The following RNF213 variants were observed in gnomAD, a reference collection of about 807,000 sequenced individuals.
RNF213 encodes E3 ubiquitin-protein ligase RNF213.
A neutral mutation model predicts 514.4 loss-of-function variants in RNF213; 341 were observed. The ratio of observed to expected loss-of-function variants is 0.66; its 90% CI spans 0.61 to 0.73. The LOEUF (loss-of-function observed/expected upper bound fraction) is 0.73. Ranked by LOEUF, RNF213 falls within the 30% of genes least tolerant of loss-of-function variation. RNF213 has a pLI of 0.00. For synonymous variants in RNF213, 2,655 were observed against 2,658.2 expected (o/e 1.00, Z 0.04); for missense variants, 5,767 against 6,615.6 (o/e 0.87, Z 4.45).
intron 8 of RNF213, 160 bp downstream of exon 8, chr17:80,291,987 T>C: frequency 5.3e-6 from 4 of 750,960 alleles, no homozygotes; most frequent in Non-Finnish European, 9.2e-6. Context: ...TCAGTGACAC[T>C]GACTCTGGGT....
chr17:80,377,094 C>T lies in RNF213; in HGVS notation c.13510+131C>T. ...AGGGTCCAAAACCACCTGCATTCTACCGGTGGCGTCTGCAGAAGACGAATG... is the reference window on the plus strand; with the variant it reads ...AGGGTCCAAAACCACCTGCATTCTATCGGTGGCGTCTGCAGAAGACGAATG... On this transcript the variant is annotated intron_variant, in intron 53 of 67. Coordinates refer to ENST00000582970, the MANE Select transcript of RNF213 (RefSeq NM_001256071.3). This position sits in a 1 kb window ranked among gnomAD's most constrained non-coding sequence, Gnocchi z 4.1. 1.4e-6 allele frequency: 1 copy of T among 708,834 alleles called. No homozygotes were observed. 43.9% of individuals were successfully genotyped at this position (708,834 alleles called of 1,614,324 possible).
intron 49 of RNF213, among the ~76,000 whole-genome samples, chr17:80,374,133 A>G (rs1196868916): frequency 6.6e-6 from 1 of 152,158 alleles, no homozygotes; most frequent in Non-Finnish European, 1.5e-5. Flanking sequence ...CTGTTTGACT[A>G]CCACCTGGGG....
At position 80,346,291 on chromosome 17, in the gene RNF213, C is replaced by G. The variant is rs201016173; in HGVS notation, c.7956C>G (p.His2652Gln). Reference protein sequence around the residue: ...ERCVKVFRWFHEHSAMLLAQL... With the variant: ...ERCVKVFRWFQEHSAMLLAQL... ...GTGTGAAAGTTTTCAGGTGGTTCCACGAGCACAGCGCGATGCTCTTAGCGC... is the reference window on the plus strand; with the variant it reads ...GTGTGAAAGTTTTCAGGTGGTTCCAGGAGCACAGCGCGATGCTCTTAGCGC... Residue 2652 changes from histidine (H) to glutamine (Q), a missense_variant, in exon 29 of 68, where the codon CAC (histidine) becomes CAG (glutamine). His to Gln is a conservative substitution (Grantham distance 24). Coordinates refer to ENST00000582970, the MANE Select transcript of RNF213 (RefSeq NM_001256071.3). The surrounding 1 kb of genome is among the most constrained non-coding windows in gnomAD (Gnocchi z 8.1). 6.2e-7 allele frequency: 1 copy of G among 1,614,092 alleles called. No individual in the cohort carries two copies. The highest frequency in any genetic ancestry group is 8.5e-7 in the Non-Finnish European group (1 of 1,180,016).
Position 80,373,238 on chromosome 17 carries a change from C to T in RNF213, c.12942+73C>T, listed in dbSNP as rs1210371989. The T allele has an allele frequency of 2.9e-4, 375 of 1,296,000 alleles. 1 individual carries two copies. The highest frequency in any genetic ancestry group is 4.3e-4 in the Admixed American group (19 of 43,728). The allele number at this position is 1,296,000 out of a possible 1,614,324, so 80.3% of individuals were successfully genotyped here. ...CATACACCCCAAACCCACACACCCCCCTACCCTCACACCCTACCCCCCCCA... is the reference window on the plus strand; with the variant it reads ...CATACACCCCAAACCCACACACCCCTCTACCCTCACACCCTACCCCCCCCA... On this transcript the variant is annotated intron_variant, in intron 49 of 67. Transcript: ENST00000582970.
In RNF213 at chr17:80,339,404, G is replaced by A. The variant is rs2144057651; in HGVS notation, c.5037G>A (p.Gln1679=). Residue 1679 remains glutamine, a synonymous_variant, in exon 26 of 68, where the codon CAG becomes CAA. Coordinates refer to ENST00000582970, the MANE Select transcript of RNF213 (RefSeq NM_001256071.3). ...AGCTGCTGGCAGCCCTCTGCAGGCA[G>A]ATGGAGCACTTCCTTGACAGCTGGA... is the stretch of plus-strand genomic sequence containing the variant. The part of the protein sequence containing the change: ...VTELLAALCR[Q]MEHFLDSWKR... 2 of 1,537,308 alleles carry A rather than the reference G, an allele frequency of 1.3e-6. No homozygotes were observed. The highest frequency in any genetic ancestry group is 2.4e-5 in the South Asian group (2 of 84,062).
At chr17:80,309,569 T>C (rs553270026) in intron 14 of RNF213, among the ~76,000 whole-genome samples, 28 of 152,286 alleles carry the variant, frequency 1.8e-4, no homozygotes, top group African/African-American at 6.5e-4. Context: ...AAAAAATACA[T>C]GTCCAAACAT....
chr17:80,347,171 C>T lies in RNF213; in HGVS notation c.8836C>T (p.Gln2946Ter). ...AKAYETVCKR[Q>*]DKEFFGLRDY... ...AGCCTACGAAACGGTGTGTAAGCGC[C>T]AGGACAAGGAATTCTTCGGGCTTCG... is the stretch of plus-strand genomic sequence containing the variant. Residue 2946 changes from glutamine to a stop codon, truncating the protein, a stop_gained, in exon 29 of 68, where the codon CAG becomes TAG. Transcript: ENST00000582970. LOFTEE classifies it high-confidence loss of function. This position sits in a 1 kb window ranked among gnomAD's most constrained non-coding sequence, Gnocchi z 7.2. 1 of 1,613,934 alleles carries T rather than the reference C, an allele frequency of 6.2e-7. No homozygotes were observed. The highest frequency in any genetic ancestry group is 8.5e-7 in the Non-Finnish European group (1 of 1,179,986).
chr17:80,328,595 T>G (rs1318608420), intron 20 of RNF213, 118 bp downstream of exon 20: 13 of 1,051,000 alleles, frequency 1.2e-5, no homozygotes, highest in Non-Finnish European at 1.6e-5. Context: ...AAAATTTTTT[T>G]TTTAATTTGC....
At chr17:80,380,683 A>G in intron 55 of RNF213, 148 bp from the exon 56 acceptor site, 1 of 941,856 alleles carries the variant, frequency 1.1e-6, no homozygotes, top group Non-Finnish European at 1.7e-6. Flanking sequence ...AGAGACTCTT[A>G]GGAACATGGT....
rs370080097 is a variant in RNF213 at position 80,375,918 on chromosome 17, G to T, written c.13185+48G>T. ...GTGTTCAAAGTCTCAGTATTTGGAG[G>T]GATTTTATTGAATAGAATGAAAGTT... On this transcript the variant is annotated intron_variant, in intron 51 of 67. Coordinates refer to ENST00000582970, the MANE Select transcript of RNF213 (RefSeq NM_001256071.3). 4.7e-6 allele frequency: 6 copies of T among 1,273,322 alleles called. No individual in the cohort carries two copies. In the African/African-American group the frequency reaches 7.3e-5, roughly 16 times the overall value. The allele number at this position is 1,273,322 out of a possible 1,614,324, so 78.9% of individuals were successfully genotyped here.
At chr17:80,325,399 ACTATTCATTGAATGCTTGCTGTAC>A (rs1386289323) in intron 18 of RNF213, among the ~76,000 whole-genome samples, 13 of 152,170 alleles carry the variant, frequency 8.5e-5, no homozygotes, top group African/African-American at 2.9e-4. Flanking sequence ...GCTAACAGCC[ACTATTCATTGAATGCTTGCTGTAC>A]CCTAGCGACT....
In RNF213 at chr17:80,343,709, C is replaced by A. The variant is rs534947679; in HGVS notation, c.6184-148C>A. 1 of 849,520 alleles carries A rather than the reference C, an allele frequency of 1.2e-6. No individual in the cohort carries two copies. Among genetic ancestry groups the A allele is most frequent in the Admixed American group, 1.8e-5 (1 of 55,456 alleles). The allele number at this position is 849,520 out of a possible 1,614,324, so 52.6% of individuals were successfully genotyped here. ...AGTATTAGGATTTTATGGGGCTGCC[C>A]TTGGAGACATGGGCCGTTGTTGGCT... On this transcript the variant is annotated intron_variant, in intron 27 of 67. Transcript: ENST00000582970. The surrounding 1 kb of genome is among the most constrained non-coding windows in gnomAD (Gnocchi z 4.3).
rs999031803 is a variant in RNF213, at chr17:80,389,165, T to C, written c.15001-8T>C. On this transcript the variant is annotated splice_region_variant and splice_polypyrimidine_tract_variant and intron_variant, in intron 64 of 67. Coordinates refer to ENST00000582970, the MANE Select transcript of RNF213 (RefSeq NM_001256071.3). ...ACAGACATCCCTCTCCTGCTTTTCA[T>C]TTCCCAGGACTCCCTCCCCAGCTCG... is the stretch of plus-strand genomic sequence containing the variant. 6.2e-6 allele frequency: 10 copies of C among 1,613,744 alleles called. No individual in the cohort carries two copies. The highest frequency in any genetic ancestry group is 8.5e-6 in the Non-Finnish European group (10 of 1,179,784).
At chr17:80,290,416 T>C (rs959597164) in intron 6 of RNF213, among the ~76,000 whole-genome samples, 154 bp from the exon 7 acceptor site, 1 of 149,008 alleles carries the variant, frequency 6.7e-6, no homozygotes, top group Non-Finnish European at 1.5e-5. Context: ...TGTGTGTGCG[T>C]GTGTGCGAGT....
intron 3 of RNF213, 127 bp from the exon 4 acceptor site, chr17:80,287,688 A>C: frequency 1.1e-6 from 1 of 883,268 alleles, no homozygotes; most frequent in East Asian, 2.4e-5. Context: ...CAGATTTAAC[A>C]GATGTTAGGT....
chr17:80,310,484 C>G (rs2045531729), intron 14 of RNF213, among the ~76,000 whole-genome samples: 1 of 151,884 alleles, frequency 6.6e-6, no homozygotes, highest in Non-Finnish European at 1.5e-5. Flanking sequence ...AACGCCTGAC[C>G]TCACGTGATC....
Position 80,383,756 on chromosome 17 carries a change from T to C in RNF213, c.14150T>C (p.Ile4717Thr). 1.2e-6 allele frequency: 2 copies of C among 1,613,964 alleles called. No individual in the cohort carries two copies. Among genetic ancestry groups the C allele is most frequent in the Non-Finnish European group, 8.5e-7 (1 of 1,180,018 alleles). The change falls in exon 59 of 68, where the codon ATA becomes ACA. Residue 4717 changes from isoleucine to threonine, a missense_variant. Coordinates refer to ENST00000582970, the MANE Select transcript of RNF213 (RefSeq NM_001256071.3). Reference sequence around the variant, plus strand: ...ATCAGCTCTAACCCTGTGGCCAAAATAATATATGGTGACCCAGTGACCTTC... The same window carrying C: ...ATCAGCTCTAACCCTGTGGCCAAAACAATATATGGTGACCCAGTGACCTTC... ...KRISSNPVAKIIYGDPVTFLP... is the reference protein window; with the variant it reads ...KRISSNPVAKTIYGDPVTFLP...
At chr17:80,378,002 C>T (rs1042315163) in intron 54 of RNF213, among the ~76,000 whole-genome samples, 5 of 152,168 alleles carry the variant, frequency 3.3e-5, no homozygotes, top group African/African-American at 7.2e-5. Context: ...GCACTGTGGA[C>T]GTGGCTCTGC....
At position 80,354,595 on chromosome 17, in the gene RNF213, G is replaced by T. The variant is rs1436404240; in HGVS notation, c.10862+19G>T. On this transcript the variant is annotated intron_variant, in intron 36 of 67. Transcript: ENST00000582970. ...CATTCAGGTACTGTGACTAAAGGAA[G>T]CAAGGAGTGGCTCCAATCTGGTGGC... 6.2e-7 allele frequency: 1 copy of T among 1,613,968 alleles called. No individual in the cohort carries two copies. Among genetic ancestry groups the T allele is most frequent in the Non-Finnish European group, 8.5e-7 (1 of 1,180,010 alleles).
Sources: gnomAD v4.1 joint callset for allele counts (sites outside exome capture counted in the v4.1 genomes callset) on GRCh38, gnomAD v4.1.1 for gene constraint, Gnocchi (gnomAD v3.1) non-coding constraint, MANE v1.5 for transcripts, NCBI Gene and HGNC (gene_info 2026-07-23, HGNC 2026-07-21) for gene names.